Variants in TTC7A observed in about 807,000 individuals in gnomAD.
TTC7A encodes the protein tetratricopeptide repeat protein 7A.
TTC7A carries 110 observed loss-of-function variants against 103.7 expected under a neutral mutation model. The observed-to-expected ratio is 1.06, with a 90% CI of 0.91 to 1.24. TTC7A has a LOEUF of 1.24. Among genes scored for constraint, TTC7A ranks in the 50% most tolerant of loss-of-function variants. The pLI, the probability that TTC7A is intolerant of heterozygous loss-of-function variation, is 0.00. For missense variants in TTC7A, 1,340 were observed against 1,116.3 expected (o/e 1.20, Z -2.86); for synonymous variants, 521 against 467.9 (o/e 1.11, Z -1.47).
chr2:46,944,933 G>C (rs945554748), intron 1 of TTC7A, among the ~76,000 whole-genome samples: 2 of 152,080 alleles, frequency 1.3e-5, no homozygotes, highest in Non-Finnish European at 2.9e-5. Flanking sequence ...ATTAGAGTCA[G>C]GATCCAAATT....
At chr2:47,008,999 G>A (rs1401644560) in intron 10 of TTC7A, among the ~76,000 whole-genome samples, 2 of 152,086 alleles carry the variant, frequency 1.3e-5, no homozygotes, top group Non-Finnish European at 2.9e-5. Context: ...GGTGGAACGG[G>A]GTGGAATGCA....
At chr2:47,039,192 C>G (rs141252683) in intron 15 of TTC7A, among the ~76,000 whole-genome samples, 6 of 152,334 alleles carry the variant, frequency 3.9e-5, no homozygotes, top group Non-Finnish European at 8.8e-5. Flanking sequence ...TCATCTGATG[C>G]TGAAGGCCCT....
intron 1 of TTC7A, among the ~76,000 whole-genome samples, chr2:46,943,406 G>A (rs13008906): frequency 0.041 from 6,251 of 152,194 alleles, 161 homozygotes; most frequent in Middle Eastern, 0.086. Flanking sequence ...GCTTCACTGT[G>A]GGAACTGGCC....
At chr2:47,036,943 T>G (rs76138156) in intron 15 of TTC7A, among the ~76,000 whole-genome samples, 8,430 of 152,304 alleles carry the variant, frequency 0.055, 301 homozygotes, top group South Asian at 0.1. Flanking sequence ...CCCCGCATCC[T>G]GGCCAGGGTC....
intron 15 of TTC7A, among the ~76,000 whole-genome samples, chr2:47,042,961 C>A (rs1245843208): frequency 6.6e-6 from 1 of 152,318 alleles, no homozygotes; most frequent in Middle Eastern, 3.4e-3. Flanking sequence ...CCCCCAGCTT[C>A]CCCCAGGAGT....
chr2:46,978,849 C>G lies in TTC7A; in HGVS notation c.706C>G (p.Leu236Val). The change falls in exon 5 of 20, where the codon CTC (leucine) becomes GTC (valine). Residue 236 changes from leucine to valine, a missense_variant. Transcript: ENST00000319190. The part of the protein sequence containing the change: ...LKGCHPLDYE[L>V]TYFLEAALQS... ...AGGCTGTCACCCGCTTGACTATGAG[C>G]TCACCTACTTCCTGGAAGCTGCCCT... 1 of 1,614,114 alleles carries G rather than the reference C, an allele frequency of 6.2e-7. No homozygotes were observed. Among genetic ancestry groups the G allele is most frequent in the Non-Finnish European group, 8.5e-7 (1 of 1,179,998 alleles).
At chr2:47,067,734 C>G (rs994194631) in intron 19 of TTC7A, 15 of 152,210 alleles carry the variant, frequency 9.9e-5, no homozygotes, top group African/African-American at 3.6e-4. Flanking sequence ...CTATACCAAG[C>G]ACCTAGGGCT....
chr2:47,063,955 TAG>T (rs1184290633), intron 19 of TTC7A, among the ~76,000 whole-genome samples: 5 of 152,256 alleles, frequency 3.3e-5, no homozygotes, highest in Non-Finnish European at 7.3e-5. Context: ...ACTTTGCTCT[TAG>T]GGGCTGGGGA....
At chr2:47,031,531 T>C (rs952762273) in intron 15 of TTC7A, among the ~76,000 whole-genome samples, 9 of 152,186 alleles carry the variant, frequency 5.9e-5, no homozygotes, top group African/African-American at 2.2e-4. Context: ...GAAAGGGCTC[T>C]TTGTCCACCC....
chr2:46,968,934 G>GTTT (rs34000426), intron 3 of TTC7A, among the ~76,000 whole-genome samples: 1 of 140,598 alleles, frequency 7.1e-6, no homozygotes. Flanking sequence ...TTGTTTTTGT[G>GTTT]TTTTTTTTTT....
rs139708012 is a variant in TTC7A, at chr2:46,975,047, A to G, written c.592A>G (p.Thr198Ala). Residue 198 changes from threonine to alanine, a missense_variant, in exon 4 of 20, where the codon ACC becomes GCC. Transcript: ENST00000319190. ...GACAGAGAGGGAGGAGGAAGTGATC[A>G]CCTGTTTTGAGAGGGCCTCCTGGAT... ...RLTEREEEVI[T>A]CFERASWIAQ... 6.4e-5 allele frequency: 104 copies of G among 1,613,964 alleles called. No individual in the cohort carries two copies. The African/African-American group carries it at 1.3e-3, about 20-fold the overall frequency.
chr2:46,978,120 A>T (rs1674053337), intron 4 of TTC7A: 1 of 152,352 alleles, frequency 6.6e-6, no homozygotes, highest in Non-Finnish European at 1.5e-5. Flanking sequence ...GTTTGCATAC[A>T]CAGAACAGGG....
intron 15 of TTC7A, among the ~76,000 whole-genome samples, chr2:47,043,858 A>G (rs1268410983): frequency 6.6e-6 from 1 of 152,230 alleles, no homozygotes; most frequent in Non-Finnish European, 1.5e-5. Flanking sequence ...CTGTGATGCC[A>G]GCTCAGTTTT....
chr2:46,943,854 G>C (rs979636126), intron 1 of TTC7A, among the ~76,000 whole-genome samples: 2 of 152,212 alleles, frequency 1.3e-5, no homozygotes, highest in African/African-American at 4.8e-5. Flanking sequence ...CTGAGGCCTT[G>C]AGGTCCAGCG....
intron 3 of TTC7A, among the ~76,000 whole-genome samples, chr2:46,972,952 A>G (rs943883885): frequency 1.3e-5 from 2 of 152,340 alleles, no homozygotes; most frequent in South Asian, 2.1e-4. Flanking sequence ...TCTTCTAACA[A>G]CTGGAAATGT....
intron 2 of TTC7A, among the ~76,000 whole-genome samples, chr2:46,950,893 C>A (rs1326312455): frequency 3.3e-5 from 5 of 152,098 alleles, no homozygotes; most frequent in Admixed American, 6.6e-5. Context: ...TTCAGTGTGA[C>A]TAAAAAAAAT....
intron 2 of TTC7A, among the ~76,000 whole-genome samples, chr2:46,922,535 A>AT (rs755860138): frequency 9.0e-4 from 126 of 139,994 alleles, no homozygotes; most frequent in Non-Finnish European, 1.5e-3. Flanking sequence ...CTCAGGGAAA[A>AT]TTTTTTTTTC....
At chr2:46,969,724 T>C (rs1407836768) in intron 3 of TTC7A, among the ~76,000 whole-genome samples, 1 of 152,138 alleles carries the variant, frequency 6.6e-6, no homozygotes, top group Non-Finnish European at 1.5e-5. Flanking sequence ...GAAATATTTT[T>C]TAAGTAGAGA....
At chr2:46,951,828 T>C (rs1439246942) in intron 2 of TTC7A, 1 of 361,750 alleles carries the variant, frequency 2.8e-6, no homozygotes, top group African/African-American at 2.1e-5. Context: ...GAATCCAGCA[T>C]GGACCCTGCC....
Sources: gnomAD v4.1 joint callset for allele counts (sites outside exome capture counted in the v4.1 genomes callset) on GRCh38, gnomAD v4.1.1 for gene constraint, MANE v1.5 for transcripts, NCBI Gene and HGNC (gene_info 2026-07-23, HGNC 2026-07-21) for gene names.